Variants in NBEA observed in about 807,000 individuals in gnomAD.
NBEA encodes neurobeachin, also known as lysosomal-trafficking regulator 2.
NBEA carries 44 observed loss-of-function variants against 343.4 expected under a neutral mutation model. That is an observed-to-expected ratio of 0.13 (90% CI 0.10 to 0.16). The LOEUF (loss-of-function observed/expected upper bound fraction) is 0.16, where lower values mean the gene tolerates loss of function less well. Among genes scored for constraint, NBEA ranks in the 10% least tolerant of loss-of-function variants. NBEA has a pLI of 1.00. For missense variants in NBEA, 2,555 were observed against 3,631.3 expected, an observed-to-expected ratio of 0.70 and a Z score of 7.62; for synonymous variants, 1,175 against 1,238.7, an observed-to-expected ratio of 0.95 and a Z score of 1.08.
chr13:35,269,685 AAG>A (rs2033977047), intron 34 of NBEA, among the ~76,000 whole-genome samples: 1 of 152,210 alleles, frequency 6.6e-6, no homozygotes, highest in Admixed American at 6.5e-5. Flanking sequence ...AATGAAACAA[AAG>A]AGGAAAATTG....
chr13:34,943,266 C>T (rs2059087092), intron 1 of NBEA, among the ~76,000 whole-genome samples, 152 bp downstream of exon 1: 1 of 152,080 alleles, frequency 6.6e-6, no homozygotes, highest in Non-Finnish European at 1.5e-5. Context: ...AGCGGGTGAC[C>T]TGCCTGCGCG....
chr13:35,174,357 G>T (rs1399839228), intron 27 of NBEA, among the ~76,000 whole-genome samples: 2 of 151,984 alleles, frequency 1.3e-5, no homozygotes, highest in East Asian at 1.9e-4. Flanking sequence ...TCAGTCTAGG[G>T]TTGTTCCTTC....
intron 36 of NBEA, among the ~76,000 whole-genome samples, chr13:35,337,897 A>T: frequency 6.6e-6 from 1 of 152,102 alleles, no homozygotes; most frequent in East Asian, 1.9e-4. Flanking sequence ...GATAAATTAC[A>T]AGAGAAATGA....
In NBEA at chr13:35,045,416, C is replaced by T. The variant is rs376113310; in HGVS notation, c.723+15C>T. 3.9e-5 allele frequency: 61 copies of T among 1,554,354 alleles called. No homozygotes were observed. In the South Asian group the frequency reaches 7.0e-4, roughly 18 times the overall value. ...GTAGCGCTGCGGTAAGTTTTAAATACATGTGCTGATTTTTATTTATTTATT... is the reference window on the plus strand; with the variant it reads ...GTAGCGCTGCGGTAAGTTTTAAATATATGTGCTGATTTTTATTTATTTATT... On this transcript the variant is annotated intron_variant, in intron 4 of 58. Transcript: ENST00000379939.
At chr13:35,312,815 A>G (rs780200028) in intron 36 of NBEA, among the ~76,000 whole-genome samples, 25 of 152,228 alleles carry the variant, frequency 1.6e-4, no homozygotes, top group Non-Finnish European at 1.2e-4. Flanking sequence ...AGTTTACAGT[A>G]TAAGTATAAT....
At chr13:35,177,164 C>T (rs772062183) in intron 28 of NBEA, 61 bp downstream of exon 28, 49 of 1,297,886 alleles carry the variant, frequency 3.8e-5, no homozygotes, top group Middle Eastern at 1.8e-4. Flanking sequence ...GTATGAAATA[C>T]GTTTTATAAG....
intron 38 of NBEA, among the ~76,000 whole-genome samples, chr13:35,404,976 G>A (rs976933413): frequency 3.2e-4 from 49 of 152,088 alleles, no homozygotes; most frequent in Non-Finnish European, 5.9e-4. Context: ...TCAGAAGGGA[G>A]TAAAGATTCT....
intron 40 of NBEA, among the ~76,000 whole-genome samples, chr13:35,458,192 G>A (rs1471658701): frequency 2.6e-5 from 4 of 152,116 alleles, no homozygotes; most frequent in African/African-American, 9.7e-5. Context: ...GCATGTGAGG[G>A]TTTCAATTTC....
At chr13:35,562,550 A>G (rs1396341867) in intron 44 of NBEA, among the ~76,000 whole-genome samples, 4 of 151,838 alleles carry the variant, frequency 2.6e-5, no homozygotes, top group Non-Finnish European at 4.4e-5. Context: ...TCCAACCCCA[A>G]CCTTTTTCTC....
chr13:35,072,050 T>A (rs1256735586), intron 10 of NBEA, among the ~76,000 whole-genome samples: 2 of 152,128 alleles, frequency 1.3e-5, no homozygotes, highest in Admixed American at 1.3e-4. Context: ...ATAATCTAAT[T>A]GGAAGGCAGC....
intron 6 of NBEA, 86 bp from the exon 7 acceptor site, chr13:35,055,924 T>C (rs1157226230): frequency 1.6e-5 from 17 of 1,090,560 alleles, no homozygotes; most frequent in Non-Finnish European, 2.1e-5. Flanking sequence ...AGCATATTCT[T>C]GTAGGGTTTT....
chr13:35,549,170 A>G (rs1343602742), intron 41 of NBEA, among the ~76,000 whole-genome samples: 2 of 152,236 alleles, frequency 1.3e-5, no homozygotes, highest in Non-Finnish European at 2.9e-5. Flanking sequence ...TTCAATGTCT[A>G]GAGAAAGACA....
In NBEA at chr13:35,649,783, C is replaced by T; in HGVS notation, c.7899C>T (p.Ile2633=). 2 of 1,614,016 alleles carry T rather than the reference C, an allele frequency of 1.2e-6. No homozygotes were observed. The highest frequency in any genetic ancestry group is 1.7e-6 in the Non-Finnish European group (2 of 1,179,888). ...VAANTLPHLT[I]PAVVTVTCSR... ...CCAACACTCTGCCCCACTTGACCAT[C>T]CCCGCAGTGGTGACAGTGACTTGCA... The change falls in exon 52 of 59, where the codon ATC becomes ATT. Residue 2633 remains isoleucine (I), a synonymous_variant. Coordinates refer to ENST00000379939, the MANE Select transcript of NBEA (RefSeq NM_001385012.1).
chr13:35,118,797 A>C (rs2066639052), intron 16 of NBEA, among the ~76,000 whole-genome samples: 1 of 152,076 alleles, frequency 6.6e-6, no homozygotes, highest in Admixed American at 6.6e-5. Context: ...ATGAAATTTT[A>C]TGATATGAGG....
At chr13:35,350,666 A>G (rs1259357177) in intron 37 of NBEA, among the ~76,000 whole-genome samples, 1 of 147,554 alleles carries the variant, frequency 6.8e-6, no homozygotes, top group African/African-American at 2.5e-5. Flanking sequence ...TTATTTGATG[A>G]TTGTACCTTA....
chr13:35,264,371 AGAG>A (rs999690831), intron 34 of NBEA, among the ~76,000 whole-genome samples: 2 of 151,964 alleles, frequency 1.3e-5, no homozygotes, highest in African/African-American at 4.8e-5. Context: ...AAAAAATTGA[AGAG>A]GAGGTAATAT....
intron 38 of NBEA, among the ~76,000 whole-genome samples, chr13:35,405,232 G>A (rs2043215263): frequency 6.6e-6 from 1 of 152,114 alleles, no homozygotes; most frequent in Non-Finnish European, 1.5e-5. Context: ...TGGACTCATG[G>A]CAGGCACTAG....
chr13:35,528,769 A>C (rs971909665), intron 41 of NBEA, among the ~76,000 whole-genome samples: 2 of 152,020 alleles, frequency 1.3e-5, no homozygotes, highest in Non-Finnish European at 2.9e-5. Flanking sequence ...TTCCCACTTC[A>C]CCTCCATTAT....
At chr13:35,495,725 C>G (rs1460918469) in intron 41 of NBEA, among the ~76,000 whole-genome samples, 1 of 152,028 alleles carries the variant, frequency 6.6e-6, no homozygotes, top group East Asian at 1.9e-4. Context: ...GCACATGGAA[C>G]ATTCTCCAGG....
Sources: gnomAD v4.1 joint callset for allele counts (sites outside exome capture counted in the v4.1 genomes callset) on GRCh38, gnomAD v4.1.1 for gene constraint, MANE v1.5 for transcripts, NCBI Gene and HGNC (gene_info 2026-07-23, HGNC 2026-07-21) for gene names.